BCL2L1: variants seen among roughly 807,000 people sequenced by gnomAD.
BCL2L1 encodes bcl-2-like protein 1.
In BCL2L1, 1 loss-of-function variant was observed where a neutral mutation model predicts 18.7. The observed-to-expected ratio is 0.05, with a 90% CI of 0.02 to 0.25. BCL2L1 has a LOEUF of 0.25. Among genes scored for constraint, BCL2L1 ranks in the 10% least tolerant of loss-of-function variants. BCL2L1 has a pLI of 1.00. For synonymous variants in BCL2L1, 103 were observed against 122.7 expected, an observed-to-expected ratio of 0.84 and a Z score of 1.06; for missense variants, 207 against 304.9, an observed-to-expected ratio of 0.68 and a Z score of 2.39.
intron 2 of BCL2L1, among the ~76,000 whole-genome samples, chr20:31,695,692 C>T (rs1223977797): frequency 6.6e-6 from 1 of 152,250 alleles, no homozygotes; most frequent in Non-Finnish European, 1.5e-5. Flanking sequence ...AGTGATCCTC[C>T]TGCCTTGGCC....
intron 2 of BCL2L1, among the ~76,000 whole-genome samples, chr20:31,698,871 AG>A (rs1870819576): frequency 6.6e-6 from 1 of 152,224 alleles, no homozygotes; most frequent in Non-Finnish European, 1.5e-5. Context: ...AGTCAAGGGG[AG>A]ATCTCCAATA....
upstream of BCL2L1, chr20:31,723,792 C>T (rs1257655737): frequency 2.0e-6 from 2 of 985,342 alleles, no homozygotes; most frequent in East Asian, 1.1e-4. Flanking sequence ...CGGTAGCTTC[C>T]AGACGCAAGA....
At chr20:31,721,520 G>C in intron 2 of BCL2L1, 135 bp downstream of exon 2, 1 of 1,052,794 alleles carries the variant, frequency 9.5e-7, no homozygotes, top group South Asian at 1.7e-5. Context: ...GTGAAATGAG[G>C]CCAGTCAGGT....
At chr20:31,704,784 A>G (rs1042078370) in intron 2 of BCL2L1, among the ~76,000 whole-genome samples, 22 of 152,214 alleles carry the variant, frequency 1.4e-4, no homozygotes, top group African/African-American at 5.3e-4. Flanking sequence ...TTACACAGGC[A>G]TAGCTGTACT....
At chr20:31,678,483 T>G (rs986192053) in intron 2 of BCL2L1, among the ~76,000 whole-genome samples, 1 of 152,186 alleles carries the variant, frequency 6.6e-6, no homozygotes, top group Admixed American at 6.5e-5. Flanking sequence ...AAGTAACTCA[T>G]GCAGACAGAT....
At chr20:31,720,428 T>C (rs1047626738) in intron 2 of BCL2L1, 7 of 646,064 alleles carry the variant, frequency 1.1e-5, no homozygotes, top group African/African-American at 7.9e-5. Context: ...TCTGAGGGGA[T>C]AGAACATCTC....
chr20:31,692,764 C>T lies in BCL2L1; in HGVS notation c.565-26678G>A, dbSNP rs559716640. Among the ~76,000 whole-genome samples the T allele has an allele frequency of 9.8e-5, 15 of 152,290 alleles. No individual in the cohort carries two copies. In the South Asian group the frequency reaches 3.1e-3, roughly 32 times the overall value. On this transcript the variant is annotated intron_variant, in intron 2 of 2. Transcript: ENST00000307677. ...TCTCTACTAAAACTACAAAAATTAG[C>T]CAGGCGCAGTGGCAGGTGCCTGTAA...
chr20:31,671,488 T>C (rs1026414427), intron 2 of BCL2L1, among the ~76,000 whole-genome samples: 2 of 152,106 alleles, frequency 1.3e-5, no homozygotes, highest in Non-Finnish European at 2.9e-5. Context: ...CAACCCCTAC[T>C]AAGCCTATAG....
At chr20:31,674,858 G>C (rs1490891685) in intron 2 of BCL2L1, among the ~76,000 whole-genome samples, 1 of 125,050 alleles carries the variant, frequency 8.0e-6, no homozygotes, top group Non-Finnish European at 1.6e-5. Flanking sequence ...CAGGGCGACA[G>C]AATGAGACCC....
rs184896677 is a variant in BCL2L1, at chr20:31,706,563, C to T, written c.564+15092G>A. Among the ~76,000 whole-genome samples the T allele has an allele frequency of 2.9e-4, 44 of 152,364 alleles. 1 individual carries two copies. In the East Asian group the frequency reaches 8.1e-3, roughly 28 times the overall value. ...AGACATAGTTTTTATCCTCAGTAAG[C>T]TCAGAGCACCTCGTTTAGTCTTTCT... On this transcript the variant is annotated intron_variant, in intron 2 of 2. Transcript: ENST00000307677.
At chr20:31,691,230 T>A (rs893849653) in intron 2 of BCL2L1, among the ~76,000 whole-genome samples, 1 of 138,614 alleles carries the variant, frequency 7.2e-6, no homozygotes, top group African/African-American at 2.7e-5. Context: ...TAGGTATAAC[T>A]TAAGTCATAA....
At chr20:31,695,119 A>T (rs117957706) in intron 2 of BCL2L1, among the ~76,000 whole-genome samples, 2,133 of 152,254 alleles carry the variant, frequency 0.014, 33 homozygotes, top group Non-Finnish European at 0.018. Context: ...TCCAACCTTC[A>T]AATTGTATTG....
intron 2 of BCL2L1, among the ~76,000 whole-genome samples, chr20:31,711,864 G>T (rs1229160990): frequency 2.0e-5 from 3 of 152,162 alleles, no homozygotes; most frequent in African/African-American, 7.2e-5. Flanking sequence ...CACATAAAAA[G>T]AATAATCATG....
At chr20:31,691,764 A>G (rs138935573) in intron 2 of BCL2L1, among the ~76,000 whole-genome samples, 65 of 152,312 alleles carry the variant, frequency 4.3e-4, no homozygotes, top group African/African-American at 1.5e-3. Context: ...ACATTTTACA[A>G]AGAGGAAACA....
At chr20:31,668,722 A>AGCCTCCCAAGTAGCTG (rs1475367104) in intron 2 of BCL2L1, among the ~76,000 whole-genome samples, 4 of 151,012 alleles carry the variant, frequency 2.6e-5, no homozygotes, top group African/African-American at 9.8e-5. Context: ...CTCCTGCCTC[A>AGCCTCCCAAGTAGCTG]GCCTCCCAAG....
At chr20:31,723,636 G>A (rs1600333357), upstream of BCL2L1, 1 of 985,566 alleles carries the variant, frequency 1.0e-6, no homozygotes, top group Non-Finnish European at 1.2e-6. Flanking sequence ...GTCCGCCCCA[G>A]CGCAGCCAAT....
At chr20:31,692,605 C>G (rs1218753103) in intron 2 of BCL2L1, among the ~76,000 whole-genome samples, 2 of 151,694 alleles carry the variant, frequency 1.3e-5, no homozygotes, top group African/African-American at 4.8e-5. Context: ...GAAACCCCAT[C>G]TCTACTAATA....
intron 2 of BCL2L1, chr20:31,720,612 G>A: frequency 1.0e-6 from 1 of 985,334 alleles, no homozygotes; most frequent in Non-Finnish European, 1.2e-6. Context: ...GAATTTGCTG[G>A]TGTCAGTCAC....
At position 31,704,352 on chromosome 20, in the gene BCL2L1, G is replaced by C. The variant is rs954857052; in HGVS notation, c.564+17303C>G. ...CCCGACCTGATGATCCACCCACCTCGGCCTCCCAAAGTGCTGAGATTACAG... is the reference window on the plus strand; with the variant it reads ...CCCGACCTGATGATCCACCCACCTCCGCCTCCCAAAGTGCTGAGATTACAG... On this transcript the variant is annotated intron_variant, in intron 2 of 2. Transcript: ENST00000307677. Among the ~76,000 whole-genome samples the C allele has an allele frequency of 3.9e-5, 6 of 151,922 alleles. No homozygotes were observed. In the South Asian group the frequency reaches 8.3e-4, roughly 21 times the overall value.
Sources: allele counts gnomAD v4.1 joint callset (sites outside exome capture counted in the v4.1 genomes callset), GRCh38; gene constraint gnomAD v4.1.1; transcripts MANE v1.5; gene names NCBI Gene and HGNC (gene_info 2026-07-23, HGNC 2026-07-21).